SIAH1: variants seen among roughly 807,000 people sequenced by gnomAD.
The protein encoded by SIAH1 is E3 ubiquitin-protein ligase SIAH1.
A neutral mutation model predicts 20.0 loss-of-function variants in SIAH1; 2 were observed. That is an observed-to-expected ratio of 0.10 (90% CI 0.04 to 0.31). The LOEUF is 0.31. Ranked by LOEUF, SIAH1 falls within the 10% of genes least tolerant of loss-of-function variation. SIAH1 has a pLI of 1.00. For missense variants in SIAH1, 119 were observed against 355.3 expected (o/e 0.33, Z 5.35); for synonymous variants, 118 against 125.3 (o/e 0.94, Z 0.39).
chr16:48,370,929 C>T (rs542171517), intron 1 of SIAH1, among the ~76,000 whole-genome samples: 23 of 151,836 alleles, frequency 1.5e-4, no homozygotes, highest in South Asian at 4.2e-4. Context: ...GCCTGGCCAA[C>T]GTGGTAAAAA....
chr16:48,363,293 G>A (rs949432018), intron 1 of SIAH1: 17 of 167,076 alleles, frequency 1.0e-4, no homozygotes, highest in African/African-American at 4.1e-4. Flanking sequence ...AAGGTCTGCT[G>A]CCATCCCATT....
At chr16:48,376,842 C>A (rs1456033224) in intron 1 of SIAH1, among the ~76,000 whole-genome samples, 3 of 152,190 alleles carry the variant, frequency 2.0e-5, no homozygotes, top group Non-Finnish European at 2.9e-5. Context: ...CCTTACCCAA[C>A]AAGCCTGAGT....
intron 1 of SIAH1, among the ~76,000 whole-genome samples, chr16:48,378,328 G>C (rs763419833): frequency 1.3e-4 from 20 of 152,144 alleles, no homozygotes; most frequent in Non-Finnish European, 2.5e-4. Flanking sequence ...ACTCCAGCCT[G>C]GGCAACAAGA....
At chr16:48,370,674 C>T (rs747071486) in intron 1 of SIAH1, among the ~76,000 whole-genome samples, 8 of 151,996 alleles carry the variant, frequency 5.3e-5, no homozygotes, top group African/African-American at 1.7e-4. Flanking sequence ...GGCGCGGTGG[C>T]GGGCGCCTGT....
intron 1 of SIAH1, chr16:48,363,034 G>A (rs1960664772): frequency 6.0e-6 from 1 of 166,796 alleles, no homozygotes; most frequent in Admixed American, 6.5e-5. Flanking sequence ...AAGTAATCCA[G>A]AGATCACTTA....
intron 1 of SIAH1, among the ~76,000 whole-genome samples, chr16:48,381,925 T>C (rs893967367): frequency 2.0e-5 from 3 of 152,108 alleles, no homozygotes; most frequent in African/African-American, 7.2e-5. Flanking sequence ...GCGGGGAATG[T>C]TGATAATGGA....
chr16:48,364,142 GTTTC>G (rs1960736190), intron 1 of SIAH1, among the ~76,000 whole-genome samples: 3 of 151,642 alleles, frequency 2.0e-5, no homozygotes, highest in African/African-American at 7.3e-5. Flanking sequence ...TAGAGACGGG[GTTTC>G]ACCATGGCTG....
intron 1 of SIAH1, among the ~76,000 whole-genome samples, chr16:48,381,734 G>C (rs1416458375): frequency 4.6e-5 from 7 of 152,190 alleles, no homozygotes; most frequent in Non-Finnish European, 1.0e-4. Flanking sequence ...AAAGAAAGAA[G>C]ATAAGTGGTT....
At chr16:48,371,492 A>G (rs890293143) in intron 1 of SIAH1, among the ~76,000 whole-genome samples, 3 of 152,264 alleles carry the variant, frequency 2.0e-5, no homozygotes, top group African/African-American at 7.2e-5. Context: ...TCAAAGTGAT[A>G]GAATCACATA....
chr16:48,365,934 G>C (rs1951409909), intron 1 of SIAH1: 3 of 1,214,868 alleles, frequency 2.5e-6, no homozygotes, highest in South Asian at 4.2e-5. Context: ...GGCCGGGGCT[G>C]GGCCTGCGTT....
At chr16:48,370,614 C>T (rs1324800747) in intron 1 of SIAH1, among the ~76,000 whole-genome samples, 2 of 151,612 alleles carry the variant, frequency 1.3e-5, no homozygotes, top group Non-Finnish European at 1.5e-5. Context: ...GTCAGGTTAT[C>T]GAGACTACAG....
At chr16:48,372,783 C>A (rs1051992120) in intron 1 of SIAH1, among the ~76,000 whole-genome samples, 1 of 152,202 alleles carries the variant, frequency 6.6e-6, no homozygotes, top group Non-Finnish European at 1.5e-5. Context: ...CAGTCAATTT[C>A]ATAACCGTAA....
In SIAH1 at chr16:48,372,006, T is replaced by TACAC. The variant is rs113043573; in HGVS notation, c.-2-9580_-2-9577dup. Among the ~76,000 whole-genome samples the TACAC allele has an allele frequency of 9.3e-5, 14 of 151,086 alleles. 1 individual carries two copies. The highest frequency in any genetic ancestry group is 2.9e-4 in the African/African-American group (12 of 41,306). On this transcript the variant is annotated intron_variant, in intron 1 of 1. Transcript: ENST00000394725. ...GACAAATCTGGTAGGTAAGTATGTA[T>TACAC]ACACACACACACACACAGAGAAAAA...
chr16:48,365,747 C>T, intron 1 of SIAH1: 4 of 1,364,012 alleles, frequency 2.9e-6, no homozygotes, highest in Non-Finnish European at 3.8e-6. Context: ...GTGCCCTAAG[C>T]TTTCGTCTGT....
At chr16:48,365,119 T>A (rs772030620) in intron 1 of SIAH1, 5 of 392,862 alleles carry the variant, frequency 1.3e-5, no homozygotes, top group African/African-American at 8.0e-5. Context: ...GCTCCAAGGG[T>A]GGAACCCAGC....
chr16:48,365,432 C>T (rs1960793681), intron 1 of SIAH1: 1 of 1,613,930 alleles, frequency 6.2e-7, no homozygotes, highest in African/African-American at 1.3e-5. Context: ...GTGAACAAGA[C>T]TCCCCTCCAG....
intron 1 of SIAH1, among the ~76,000 whole-genome samples, chr16:48,374,825 T>C (rs904079455): frequency 2.6e-5 from 4 of 152,144 alleles, no homozygotes; most frequent in East Asian, 1.9e-4. Flanking sequence ...CTGAATAACT[T>C]TGACAGTCAG....
upstream of SIAH1, among the ~76,000 whole-genome samples, chr16:48,386,571 T>A (rs541704089): frequency 1.3e-5 from 2 of 152,212 alleles, no homozygotes; most frequent in Non-Finnish European, 2.9e-5. Flanking sequence ...TCCCAGTGTA[T>A]GATAAAGTTT....
chr16:48,385,241 C>T lies in SIAH1; in HGVS notation c.-40G>A. 3.1e-6 allele frequency: 1 copy of T among 325,372 alleles called. No homozygotes were observed. Among genetic ancestry groups the T allele is most frequent in the Non-Finnish European group, 6.5e-6 (1 of 153,940 alleles). 20.2% of individuals were successfully genotyped at this position (325,372 alleles called of 1,614,324 possible). ...AGCGCGCCTCGGACCCCGGTCCTGG[C>T]ACCAACGCGCTCCGTCGCCAACCCC... On this transcript the variant is annotated 5_prime_UTR_variant, in exon 1 of 2. Transcript: ENST00000394725.
Sources: allele counts gnomAD v4.1 joint callset (sites outside exome capture counted in the v4.1 genomes callset), GRCh38; gene constraint gnomAD v4.1.1; transcripts MANE v1.5; gene names NCBI Gene and HGNC (gene_info 2026-07-23, HGNC 2026-07-21).